The following RBFOX3 variants were observed in gnomAD, a reference collection of about 807,000 sequenced individuals.
RBFOX3 encodes RNA binding fox-1 homolog 3, also known as RNA binding protein fox-1 homolog 3.
A neutral mutation model predicts 48.7 loss-of-function variants in RBFOX3; 17 were observed. The ratio of observed to expected loss-of-function variants is 0.35; its 90% CI spans 0.24 to 0.52. The LOEUF (loss-of-function observed/expected upper bound fraction) is 0.52. Among genes scored for constraint, RBFOX3 ranks in the 20% least tolerant of loss-of-function variants. The probability of loss-of-function intolerance (pLI) is 0.94; values close to 1 mark genes in which losing one functional copy is unlikely to be tolerated. For synonymous variants in RBFOX3, 212 were observed against 209.5 expected, an observed-to-expected ratio of 1.01 and a Z score of -0.10; for missense variants, 382 against 497.5, an observed-to-expected ratio of 0.77 and a Z score of 2.21.
rs374026825 is a variant in RBFOX3 at position 79,206,393 on chromosome 17, C to T, written c.-34+29373G>A. On this transcript the variant is annotated intron_variant, in intron 4 of 14. Transcript: ENST00000693108. ...GTGACATCATCCCAGTGGTGCCCGA[C>T]GTACACTGTGGCGGATAAGGCTGTG... 1.8e-4 allele frequency among the ~76,000 whole-genome samples: 27 copies of T among 152,274 alleles called. No individual in the cohort carries two copies. The East Asian group carries it at 2.7e-3, about 15-fold the overall frequency.
the RBFOX3 span, among the ~76,000 whole-genome samples, chr17:79,620,352 CGGACAT>C: frequency 6.6e-6 from 1 of 150,426 alleles, no homozygotes. Flanking sequence ...TGCACACACA[CGGACAT>C]GGACACACAC....
chr17:79,547,671 C>G (rs952949365), intron 1 of RBFOX3, among the ~76,000 whole-genome samples: 1 of 152,122 alleles, frequency 6.6e-6, no homozygotes, highest in African/African-American at 2.4e-5. Flanking sequence ...GAGAAGAGAC[C>G]ACAGCATGTA....
At chr17:79,484,631 G>T (rs1474283329) in intron 1 of RBFOX3, among the ~76,000 whole-genome samples, 1 of 152,086 alleles carries the variant, frequency 6.6e-6, no homozygotes, top group Non-Finnish European at 1.5e-5. Context: ...GGTGGAGGTG[G>T]AAGGCAGCCC....
At chr17:79,398,204 G>A (rs904867621) in intron 2 of RBFOX3, among the ~76,000 whole-genome samples, 25 of 152,152 alleles carry the variant, frequency 1.6e-4, no homozygotes, top group Admixed American at 3.9e-4. Flanking sequence ...GGCCTCGGGA[G>A]GCTCATTATG....
rs959158746 is a variant in RBFOX3, at chr17:79,103,473, G to C, written c.415-219C>G. ...CAGGAGGGGTATGGGCCCCAGGGGG[G>C]CAGCTGCTGACCCAGCCTGAGCCCA... On this transcript the variant is annotated intron_variant, in intron 7 of 14. Coordinates refer to ENST00000693108, the MANE Select transcript of RBFOX3 (RefSeq NM_001350451.2). This position sits in a 1 kb window ranked among gnomAD's most constrained non-coding sequence, Gnocchi z 6.1. 3.3e-5 allele frequency among the ~76,000 whole-genome samples: 5 copies of C among 152,118 alleles called. No homozygotes were observed. The highest frequency in any genetic ancestry group is 1.2e-4 in the African/African-American group (5 of 41,430).
chr17:79,412,270 A>G (rs566576836), intron 2 of RBFOX3, among the ~76,000 whole-genome samples: 68 of 149,054 alleles, frequency 4.6e-4, no homozygotes, highest in African/African-American at 1.6e-3. Context: ...TGTGTATGGT[A>G]TGTGTGCGTG....
intron 3 of RBFOX3, among the ~76,000 whole-genome samples, chr17:79,287,217 G>A (rs576572969): frequency 6.6e-6 from 1 of 152,292 alleles, no homozygotes; most frequent in African/African-American, 2.4e-5. Flanking sequence ...TGCTCGCTAA[G>A]GCGAAGGACC....
chr17:79,137,469 C>G (rs981839464), intron 4 of RBFOX3, among the ~76,000 whole-genome samples: 1 of 152,208 alleles, frequency 6.6e-6, no homozygotes, highest in African/African-American at 2.4e-5. Context: ...CTTACCCGAC[C>G]CCTCCACACA....
At chr17:79,373,719 G>A (rs2058855574) in intron 2 of RBFOX3, among the ~76,000 whole-genome samples, 1 of 152,016 alleles carries the variant, frequency 6.6e-6, no homozygotes, top group South Asian at 2.1e-4. Flanking sequence ...CAACCCCCGA[G>A]CAGGAGCCGG....
intron 1 of RBFOX3, among the ~76,000 whole-genome samples, chr17:79,493,797 C>T (rs2081044847): frequency 6.6e-6 from 1 of 152,060 alleles, no homozygotes. Context: ...AGATAAAAAC[C>T]CTGAGTTTCA....
chr17:79,449,666 C>G (rs1185040296), intron 2 of RBFOX3, among the ~76,000 whole-genome samples: 1 of 142,806 alleles, frequency 7.0e-6, no homozygotes, highest in Admixed American at 7.1e-5. Context: ...GTCTGGCCAC[C>G]CGTAGACCCA....
At chr17:79,658,997 C>T in the RBFOX3 span, among the ~76,000 whole-genome samples, 2 of 152,140 alleles carry the variant, frequency 1.3e-5, no homozygotes, top group Admixed American at 6.5e-5. Flanking sequence ...ATATCACAGT[C>T]GAGTGTGGTC....
chr17:79,253,891 A>G (rs1423206583), intron 3 of RBFOX3, among the ~76,000 whole-genome samples: 1 of 152,240 alleles, frequency 6.6e-6, no homozygotes, highest in Non-Finnish European at 1.5e-5. Flanking sequence ...CCACGGAGGA[A>G]GCTCAGAGAG....
chr17:79,403,159 G>GC (rs1263133120), intron 2 of RBFOX3, among the ~76,000 whole-genome samples: 1 of 152,142 alleles, frequency 6.6e-6, no homozygotes, highest in Non-Finnish European at 1.5e-5. Context: ...CCCTGAACAG[G>GC]CCTCCCTTGG....
chr17:79,216,227 A>T (rs1448259266), intron 4 of RBFOX3, among the ~76,000 whole-genome samples: 1 of 152,234 alleles, frequency 6.6e-6, no homozygotes, highest in Non-Finnish European at 1.5e-5. Context: ...TCCCAGGCGT[A>T]GGTGAGGCGA....
intron 2 of RBFOX3, among the ~76,000 whole-genome samples, chr17:79,368,619 A>G (rs575350192): frequency 6.6e-6 from 1 of 152,218 alleles, no homozygotes; most frequent in African/African-American, 2.4e-5. Flanking sequence ...CTGGATTGTT[A>G]CCATCCGAGA....
At chr17:79,183,812 C>T (rs1329114700) in intron 4 of RBFOX3, among the ~76,000 whole-genome samples, 3 of 152,176 alleles carry the variant, frequency 2.0e-5, no homozygotes, top group Non-Finnish European at 2.9e-5. Flanking sequence ...TCCGGAGCGA[C>T]GGCACAACAG....
At chr17:79,236,864 G>A (rs994582320) in intron 3 of RBFOX3, among the ~76,000 whole-genome samples, 1 of 152,208 alleles carries the variant, frequency 6.6e-6, no homozygotes, top group Non-Finnish European at 1.5e-5. Context: ...AGGGGTGTGT[G>A]TATAGTGTGC....
chr17:79,322,132 A>G (rs1010344846), intron 2 of RBFOX3, among the ~76,000 whole-genome samples: 2 of 152,060 alleles, frequency 1.3e-5, no homozygotes, highest in African/African-American at 2.4e-5. Context: ...AGGAAAAAAG[A>G]GATGGGTGTG....
Sources: gnomAD v4.1 joint callset for allele counts (sites outside exome capture counted in the v4.1 genomes callset) on GRCh38, gnomAD v4.1.1 for gene constraint, Gnocchi (gnomAD v3.1) non-coding constraint, MANE v1.5 for transcripts, NCBI Gene and HGNC (gene_info 2026-07-23, HGNC 2026-07-21) for gene names.